EIF2A: variants seen among roughly 807,000 people sequenced by gnomAD.
EIF2A encodes 65 kDa eukaryotic translation initiation factor 2A.
Under a neutral mutation model 75.2 loss-of-function variants are expected in EIF2A, and 62 were observed. That is an observed-to-expected ratio of 0.82 (90% CI 0.67 to 1.02). The LOEUF (loss-of-function observed/expected upper bound fraction) is 1.02, where lower values mean the gene tolerates loss of function less well. EIF2A is among the 50% of genes least tolerant of loss of function. EIF2A has a pLI of 0.00. For synonymous variants in EIF2A, 207 were observed against 239.0 expected, an observed-to-expected ratio of 0.87 and a Z score of 1.23; for missense variants, 611 against 677.7, an observed-to-expected ratio of 0.90 and a Z score of 1.09.
At position 150,571,978 on chromosome 3, in the gene EIF2A, GA is replaced by G. The variant is rs1410222197; in HGVS notation, c.833del (p.Asp278ValfsTer2). 1 of 1,608,054 alleles carries G rather than the reference GA, an allele frequency of 6.2e-7. No homozygotes were observed. On this transcript the variant is annotated frameshift_variant, in exon 10 of 14. Coordinates refer to ENST00000460851, the MANE Select transcript of EIF2A (RefSeq NM_032025.5). LOFTEE classifies it high-confidence loss of function. ...TCTAGCAAAAAATGGCCCCATTTAT[GA>G]TGTAGTTTGGAATTCTAGTTCTACT... ...VQLPKNGPIY[D>X]VVWNSSSTEF...
intron 13 of EIF2A, among the ~76,000 whole-genome samples, 196 bp downstream of exon 13, chr3:150,583,461 G>A (rs78215647): frequency 6.6e-6 from 1 of 152,160 alleles, no homozygotes; most frequent in Non-Finnish European, 1.5e-5. Context: ...TATTGATCAT[G>A]TGAATGAAAA....
intron 2 of EIF2A, chr3:150,557,535 G>A (rs1231759692): frequency 4.4e-6 from 1 of 225,932 alleles, no homozygotes; most frequent in Non-Finnish European, 9.2e-6. Flanking sequence ...TGAGTAGCTG[G>A]GACTACAGGC....
chr3:150,561,563 G>A (rs938127719), intron 3 of EIF2A, among the ~76,000 whole-genome samples: 1 of 152,104 alleles, frequency 6.6e-6, no homozygotes, highest in Admixed American at 6.5e-5. Flanking sequence ...GGGTGACAGA[G>A]TGAGACTCCA....
intron 3 of EIF2A, among the ~76,000 whole-genome samples, chr3:150,560,519 CAAG>C (rs1287202767): frequency 6.6e-6 from 1 of 152,048 alleles, no homozygotes; most frequent in Non-Finnish European, 1.5e-5. Context: ...AAGAAGAAAA[CAAG>C]AAAGCGTCTT....
intron 11 of EIF2A, among the ~76,000 whole-genome samples, chr3:150,577,943 T>C (rs1031414269): frequency 2.6e-5 from 4 of 152,188 alleles, no homozygotes; most frequent in African/African-American, 9.6e-5. Flanking sequence ...AGTATCTTAA[T>C]TGGTCAGCTT....
intron 9 of EIF2A, among the ~76,000 whole-genome samples, chr3:150,569,080 A>G (rs1724357120): frequency 6.6e-6 from 1 of 152,200 alleles, no homozygotes; most frequent in African/African-American, 2.4e-5. Context: ...TTTCCATTGA[A>G]GTCAGAGAAA....
At chr3:150,551,413 G>A (rs1411951456) in intron 1 of EIF2A, among the ~76,000 whole-genome samples, 1 of 152,044 alleles carries the variant, frequency 6.6e-6, no homozygotes, top group Admixed American at 6.6e-5. Context: ...TTCAGCTTTA[G>A]AAGCATTTAA....
chr3:150,550,133 TG>T (rs1453763200), intron 1 of EIF2A, among the ~76,000 whole-genome samples: 1 of 51,722 alleles, frequency 1.9e-5, no homozygotes, highest in African/African-American at 4.1e-5. Flanking sequence ...GGCGTTTATT[TG>T]TTGTCTTAAA....
chr3:150,575,279 G>A (rs975149127), intron 10 of EIF2A, among the ~76,000 whole-genome samples: 3 of 152,132 alleles, frequency 2.0e-5, no homozygotes, highest in African/African-American at 7.2e-5. Context: ...GAAAACAAGC[G>A]AGGCAACTGG....
At chr3:150,555,086 C>A (rs750052976) in intron 2 of EIF2A, among the ~76,000 whole-genome samples, 2 of 152,054 alleles carry the variant, frequency 1.3e-5, no homozygotes, top group Non-Finnish European at 2.9e-5. Context: ...TGCCACCATG[C>A]CTGGCTAATT....
At chr3:150,562,174 G>T (rs898670434) in intron 3 of EIF2A, among the ~76,000 whole-genome samples, 6 of 151,998 alleles carry the variant, frequency 3.9e-5, no homozygotes, top group African/African-American at 1.4e-4. Context: ...TGTAATCCCA[G>T]CACTTTGGGA....
chr3:150,570,452 ACTAT>A (rs1158869181), intron 9 of EIF2A, among the ~76,000 whole-genome samples: 13 of 151,728 alleles, frequency 8.6e-5, no homozygotes, highest in Middle Eastern at 3.2e-3. Context: ...TATAATCCCA[ACTAT>A]CTAGGAGGCT....
intron 12 of EIF2A, 94 bp from the exon 13 acceptor site, chr3:150,583,106 A>G (rs1392582192): frequency 2.4e-5 from 24 of 1,013,358 alleles, no homozygotes; most frequent in Non-Finnish European, 3.3e-5. Flanking sequence ...TAAGATAATT[A>G]ATCTCCTTAC....
At chr3:150,569,905 C>A (rs1157258741) in intron 9 of EIF2A, among the ~76,000 whole-genome samples, 3 of 151,692 alleles carry the variant, frequency 2.0e-5, no homozygotes, top group Non-Finnish European at 4.4e-5. Context: ...TGGAAGAGAA[C>A]AGAGTCCAGA....
chr3:150,549,817 A>G (rs546465464), intron 1 of EIF2A, among the ~76,000 whole-genome samples: 2 of 152,316 alleles, frequency 1.3e-5, no homozygotes, highest in East Asian at 1.9e-4. Flanking sequence ...AGCAATGTCC[A>G]TTACGTGAAA....
At chr3:150,547,194 GAC>G (rs1359168286) in intron 1 of EIF2A, 3 of 278,524 alleles carry the variant, frequency 1.1e-5, no homozygotes, top group African/African-American at 6.5e-5. Context: ...TAAGAACAAA[GAC>G]AAACATGAGT....
chr3:150,583,108 T>C, intron 12 of EIF2A, 92 bp from the exon 13 acceptor site: 1 of 1,021,004 alleles, frequency 9.8e-7, no homozygotes, highest in Non-Finnish European at 1.4e-6. Context: ...AGATAATTAA[T>C]CTCCTTACTT....
chr3:150,558,299 T>C (rs1723671754), intron 2 of EIF2A, 89 bp from the exon 3 acceptor site: 1 of 1,152,756 alleles, frequency 8.7e-7, no homozygotes, highest in East Asian at 3.1e-5. Flanking sequence ...GTTATTAAAT[T>C]GATAGTGAAA....
chr3:150,585,757 T>G lies in EIF2A; in HGVS notation c.*1846T>G, dbSNP rs1348127546. Among the ~76,000 whole-genome samples the G allele has an allele frequency of 6.6e-6, 1 of 152,142 alleles. No homozygotes were observed. The highest frequency in any genetic ancestry group is 1.5e-5 in the Non-Finnish European group (1 of 68,014). On this transcript the variant is annotated 3_prime_UTR_variant, in exon 14 of 14. Coordinates refer to ENST00000460851, the MANE Select transcript of EIF2A (RefSeq NM_032025.5). Reference sequence around the variant, plus strand: ...AGCCCTAACCTCCAACGTGGTGGTATTGGGAGATGGGCCTTTTGGAAGGTA... The same window carrying G: ...AGCCCTAACCTCCAACGTGGTGGTAGTGGGAGATGGGCCTTTTGGAAGGTA...
Sources: allele counts gnomAD v4.1 joint callset (sites outside exome capture counted in the v4.1 genomes callset), GRCh38; gene constraint gnomAD v4.1.1; transcripts MANE v1.5; gene names NCBI Gene and HGNC (gene_info 2026-07-23, HGNC 2026-07-21).